Variants in PPARGC1B observed in about 807,000 individuals in gnomAD.
PPARGC1B encodes the protein PPARG coactivator 1 beta, also known as peroxisome proliferator-activated receptor gamma coactivator 1-beta.
A neutral mutation model predicts 101.6 loss-of-function variants in PPARGC1B; 34 were observed. That is an observed-to-expected ratio of 0.33 (90% CI 0.25 to 0.45). PPARGC1B has a LOEUF of 0.45. Ranked by LOEUF, PPARGC1B falls within the 20% of genes least tolerant of loss-of-function variation. PPARGC1B has a pLI of 1.00. For synonymous variants in PPARGC1B, 548 were observed against 539.3 expected (o/e 1.02, Z -0.22); for missense variants, 1,234 against 1,317.6 (o/e 0.94, Z 0.98).
rs1222516116 is a variant in PPARGC1B at position 149,775,125 on chromosome 5, G to A, written c.78+44705G>A. On this transcript the variant is annotated intron_variant, in intron 1 of 11. Transcript: ENST00000309241. ...AGTAGGGCAGCTCCCTACTGTGGAG[G>A]CCTCCTGCCAGCCCCACATGGCTGA... Among the ~76,000 whole-genome samples the A allele has an allele frequency of 2.6e-5, 4 of 152,184 alleles. No individual in the cohort carries two copies. In the East Asian group the frequency reaches 7.7e-4, roughly 29 times the overall value.
rs116877638 is a variant in PPARGC1B at position 149,748,758 on chromosome 5, C to T, written c.78+18338C>T. Among the ~76,000 whole-genome samples the T allele has an allele frequency of 3.9e-4, 59 of 152,296 alleles. 2 individuals carry two copies. The highest frequency in any genetic ancestry group is 2.3e-3 in the East Asian group (12 of 5,176). On this transcript the variant is annotated intron_variant, in intron 1 of 11. Coordinates refer to ENST00000309241, the MANE Select transcript of PPARGC1B (RefSeq NM_133263.4). ...TAGGTGAGAGGCTTGAGGGGAGGCT[C>T]TGAGCTGACTGGAGGACTCCCCATG... is the stretch of plus-strand genomic sequence containing the variant.
intron 1 of PPARGC1B, among the ~76,000 whole-genome samples, chr5:149,773,697 C>T (rs371757454): frequency 3.3e-5 from 5 of 152,124 alleles, no homozygotes; most frequent in African/African-American, 1.2e-4. Flanking sequence ...GCAGAGCGGC[C>T]GCGGGAGGGA....
At chr5:149,823,987 C>T (rs962167905) in intron 2 of PPARGC1B, among the ~76,000 whole-genome samples, 1 of 152,164 alleles carries the variant, frequency 6.6e-6, no homozygotes, top group African/African-American at 2.4e-5. Flanking sequence ...TTATTCCTCC[C>T]CTGCCACCAC....
In PPARGC1B at chr5:149,851,112, A is replaced by C. The variant is rs1331103224; in HGVS notation, c.*3554A>C. On this transcript the variant is annotated 3_prime_UTR_variant, in exon 12 of 12. Transcript: ENST00000309241. ...AGAGAGGCAGGGCTTTGCGGGCAGG[A>C]GAAGGAAGGGAGGAATGCTCTGAGC... The C allele has an allele frequency of 6.6e-6, 1 of 152,150 alleles. No individual in the cohort carries two copies. Among genetic ancestry groups the C allele is most frequent in the East Asian group, 1.9e-4 (1 of 5,198 alleles). The allele number at this position is 152,150 out of a possible 1,614,324, so 9.4% of individuals were successfully genotyped here.
intron 3 of PPARGC1B, 141 bp downstream of exon 3, chr5:149,827,026 G>A (rs539159737): frequency 2.3e-5 from 16 of 697,588 alleles, no homozygotes; most frequent in South Asian, 7.8e-5. Context: ...AGCAGAGAGC[G>A]TGGGCCGAAG....
rs541678830 is a variant in PPARGC1B at position 149,809,172 on chromosome 5, T to C, written c.79-11261T>C. 6.8e-3 allele frequency among the ~76,000 whole-genome samples: 690 copies of C among 101,850 alleles called. 6 individuals are homozygous for C. Among genetic ancestry groups the C allele is most frequent in the African/African-American group, 0.027 (651 of 23,848 alleles). The allele number at this position is 101,850 out of a possible 152,430, so 66.8% of individuals were successfully genotyped here. A position where few individuals can be genotyped will look rare whatever the true frequency, so the allele number is the denominator to read the frequency against. On this transcript the variant is annotated intron_variant, in intron 1 of 11. Coordinates refer to ENST00000309241, the MANE Select transcript of PPARGC1B (RefSeq NM_133263.4). Reference sequence around the variant, plus strand: ...ATAGATAGATAGATAGATCCATCTCTACCATAGATAGATAGATAGATAGAT... The same window carrying C: ...ATAGATAGATAGATAGATCCATCTCCACCATAGATAGATAGATAGATAGAT...
downstream of PPARGC1B, chr5:149,857,914 T>C (rs1759998493): frequency 6.6e-6 from 1 of 152,228 alleles, no homozygotes; most frequent in Non-Finnish European, 1.5e-5. Flanking sequence ...TTTTAATATA[T>C]TAGTTTCTGC....
At chr5:149,755,040 C>CATATATATATATATATATATATAT (rs761461783) in intron 1 of PPARGC1B, among the ~76,000 whole-genome samples, 1 of 85,260 alleles carries the variant, frequency 1.2e-5, no homozygotes, top group African/African-American at 7.7e-5. Context: ...ACTACATATA[C>CATATATATATATATATATATATAT]ATATACATAT....
In PPARGC1B at chr5:149,850,187, C is replaced by A; in HGVS notation, c.*2629C>A. On this transcript the variant is annotated 3_prime_UTR_variant, in exon 12 of 12. Transcript: ENST00000309241. The stretch of plus-strand genomic sequence containing the variant: ...TGGTCCATATATGATCTCTTAGCCC[C>A]TCCTATTTGCTTCTTCCTTGATTGC... 1 of 152,340 alleles carries A rather than the reference C, an allele frequency of 6.6e-6. No homozygotes were observed. The highest frequency in any genetic ancestry group is 1.5e-5 in the Non-Finnish European group (1 of 68,050). 9.4% of individuals were successfully genotyped at this position (152,340 alleles called of 1,614,324 possible). A position where few individuals can be genotyped will look rare whatever the true frequency, so the allele number is the denominator to read the frequency against.
intron 1 of PPARGC1B, among the ~76,000 whole-genome samples, chr5:149,794,401 A>G (rs1222565028): frequency 6.6e-6 from 1 of 152,110 alleles, no homozygotes; most frequent in Non-Finnish European, 1.5e-5. Flanking sequence ...CCATGTAGGC[A>G]AGGGGGCTGG....
chr5:149,753,623 T>C (rs1755399546), intron 1 of PPARGC1B, among the ~76,000 whole-genome samples: 1 of 152,340 alleles, frequency 6.6e-6, no homozygotes, highest in Non-Finnish European at 1.5e-5. Flanking sequence ...TTTGCACACA[T>C]GTGACCGTAT....
In PPARGC1B at chr5:149,836,546, G is replaced by T. The variant is rs377650657; in HGVS notation, c.2091G>T (p.Val697=). The part of the protein sequence containing the change: ...CSFGDHDYCQ[V]LRPEGVLQRK... ...TTGGAGACCATGACTACTGCCAGGTGCTCCGACCAGAAGGCGTCCTGCAAA... is the reference window on the plus strand; with the variant it reads ...TTGGAGACCATGACTACTGCCAGGTTCTCCGACCAGAAGGCGTCCTGCAAA... Residue 697 remains valine (V), a synonymous_variant, in exon 8 of 12, where the codon GTG becomes GTT. Coordinates refer to ENST00000309241, the MANE Select transcript of PPARGC1B (RefSeq NM_133263.4). The T allele has an allele frequency of 1.5e-5, 24 of 1,613,822 alleles. No individual in the cohort carries two copies. The highest frequency in any genetic ancestry group is 1.9e-5 in the Non-Finnish European group (23 of 1,180,058).
At chr5:149,758,317 C>G (rs549352766) in intron 1 of PPARGC1B, among the ~76,000 whole-genome samples, 40 of 152,342 alleles carry the variant, frequency 2.6e-4, no homozygotes, top group African/African-American at 9.6e-4. Flanking sequence ...ATCACACATC[C>G]TCTTGTCTGT....
intron 4 of PPARGC1B, among the ~76,000 whole-genome samples, chr5:149,831,417 C>A (rs1430247907): frequency 6.6e-6 from 1 of 152,226 alleles, no homozygotes; most frequent in Admixed American, 6.5e-5. Flanking sequence ...CCCTCCTCTT[C>A]CTGGTCCTGG....
chr5:149,845,884 C>T lies in PPARGC1B; in HGVS notation c.2941C>T (p.His981Tyr). The change falls in exon 11 of 12, where the codon CAC becomes TAC. Residue 981 changes from histidine (H) to tyrosine (Y), a missense_variant. Physicochemically the swap from His to Tyr is moderately conservative, Grantham distance 83. Transcript: ENST00000309241. ...CCAGCTGAGCTACGGAGGGCTCCGGCACTTCTGCTGGCCCAGATACACTGA... is the reference window on the plus strand; with the variant it reads ...CCAGCTGAGCTACGGAGGGCTCCGGTACTTCTGCTGGCCCAGATACACTGA... ...SFQLSYGGLRHFCWPRYTDYD... is the reference protein window; with the variant it reads ...SFQLSYGGLRYFCWPRYTDYD... 1 of 1,614,238 alleles carries T rather than the reference C, an allele frequency of 6.2e-7. No homozygotes were observed. The highest frequency in any genetic ancestry group is 2.2e-5 in the East Asian group (1 of 44,886).
At chr5:149,771,101 A>C (rs1412222122) in intron 1 of PPARGC1B, among the ~76,000 whole-genome samples, 1 of 152,170 alleles carries the variant, frequency 6.6e-6, no homozygotes, top group Non-Finnish European at 1.5e-5. Flanking sequence ...TGTTGAGAGC[A>C]GGGTGAGCGT....
At position 149,837,081 on chromosome 5, in the gene PPARGC1B, C is replaced by CA; in HGVS notation, c.2618+9dup. ...CACTCGAAGGAACTTCAGGTATGAA[C>CA]AGGGGGCTGCAGGAGAGGCAGCGGG... On this transcript the variant is annotated intron_variant, in intron 8 of 11. Transcript: ENST00000309241. This position sits in a 1 kb window ranked among gnomAD's most constrained non-coding sequence, Gnocchi z 4.2. The CA allele has an allele frequency of 1.3e-6, 2 of 1,593,730 alleles. No homozygotes were observed. The highest frequency in any genetic ancestry group is 1.7e-6 in the Non-Finnish European group (2 of 1,167,776).
chr5:149,813,333 A>G (rs1294048541), intron 1 of PPARGC1B, among the ~76,000 whole-genome samples: 3 of 152,224 alleles, frequency 2.0e-5, no homozygotes, highest in Admixed American at 6.5e-5. Context: ...TAGGATATCC[A>G]AGATGGCAGT....
At chr5:149,825,404 A>G (rs1390094146) in intron 2 of PPARGC1B, among the ~76,000 whole-genome samples, 1 of 151,748 alleles carries the variant, frequency 6.6e-6, no homozygotes, top group South Asian at 2.1e-4. Context: ...GAGCCTTTCT[A>G]CTCCTCTCTT....
Sources: allele counts gnomAD v4.1 joint callset (sites outside exome capture counted in the v4.1 genomes callset), GRCh38; gene constraint gnomAD v4.1.1; non-coding constraint Gnocchi (gnomAD v3.1); transcripts MANE v1.5; gene names NCBI Gene and HGNC (gene_info 2026-07-23, HGNC 2026-07-21).